GALNTL6: variants seen among roughly 807,000 people sequenced by gnomAD.
GALNTL6 encodes the protein polypeptide N-acetylgalactosaminyltransferase like 6, also known as polypeptide N-acetylgalactosaminyltransferase-like 6.
In GALNTL6, 46 loss-of-function variants were observed where a neutral mutation model predicts 73.7. The observed-to-expected ratio is 0.62, with a 90% CI of 0.49 to 0.80. The LOEUF is 0.80. GALNTL6 is among the 30% of genes least tolerant of loss of function. GALNTL6 has a pLI of 0.00. For synonymous variants in GALNTL6, 259 were observed against 263.7 expected, an observed-to-expected ratio of 0.98 and a Z score of 0.17; for missense variants, 604 against 755.0, an observed-to-expected ratio of 0.80 and a Z score of 2.34.
At chr4:172,289,702 A>G (rs1014733639) in intron 3 of GALNTL6, among the ~76,000 whole-genome samples, 1 of 152,154 alleles carries the variant, frequency 6.6e-6, no homozygotes, top group East Asian at 1.9e-4. Flanking sequence ...AAGCCCATCT[A>G]TTTGATGCTG....
At chr4:172,182,392 G>C (rs1735276064) in intron 2 of GALNTL6, among the ~76,000 whole-genome samples, 1 of 152,110 alleles carries the variant, frequency 6.6e-6, no homozygotes, top group Non-Finnish European at 1.5e-5. Flanking sequence ...AAAGAGGTTT[G>C]TAAGCTGCTT....
chr4:171,939,768 A>C (rs890425720), intron 2 of GALNTL6, among the ~76,000 whole-genome samples: 1 of 152,134 alleles, frequency 6.6e-6, no homozygotes, highest in Non-Finnish European at 1.5e-5. Context: ...ATCAGGATCA[A>C]AGTTAGATTA....
At chr4:171,873,458 A>C (rs1173698823) in intron 2 of GALNTL6, among the ~76,000 whole-genome samples, 2 of 152,278 alleles carry the variant, frequency 1.3e-5, no homozygotes, top group Non-Finnish European at 2.9e-5. Context: ...AATCAAGAGA[A>C]AATTTAGGAG....
chr4:172,173,632 A>G (rs2110828449), intron 2 of GALNTL6, among the ~76,000 whole-genome samples: 1 of 152,346 alleles, frequency 6.6e-6, no homozygotes, highest in African/African-American at 2.4e-5. Context: ...CAAGAGAGTC[A>G]TTTGCTGTAT....
intron 8 of GALNTL6, among the ~76,000 whole-genome samples, chr4:172,925,326 T>C (rs1341377034): frequency 6.6e-6 from 1 of 152,132 alleles, no homozygotes; most frequent in East Asian, 1.9e-4. Context: ...GAGAAACTTC[T>C]GAGGGGAAGA....
chr4:172,078,495 C>T (rs1244662029), intron 2 of GALNTL6, among the ~76,000 whole-genome samples: 1 of 152,072 alleles, frequency 6.6e-6, no homozygotes, highest in Non-Finnish European at 1.5e-5. Context: ...ACTAATACAG[C>T]TAGAATTTTA....
intron 2 of GALNTL6, among the ~76,000 whole-genome samples, chr4:171,955,938 T>C (rs1043308752): frequency 6.6e-6 from 1 of 152,216 alleles, no homozygotes; most frequent in Non-Finnish European, 1.5e-5. Context: ...CAAAGTATTA[T>C]AGTTTTTGGT....
At chr4:172,790,896 CAAAAAAAA>C (rs770813700) in intron 5 of GALNTL6, among the ~76,000 whole-genome samples, 1 of 71,444 alleles carries the variant, frequency 1.4e-5, no homozygotes, top group African/African-American at 5.1e-5. Flanking sequence ...GAGACTCCAT[CAAAAAAAA>C]AAAAAAAAAA....
intron 2 of GALNTL6, among the ~76,000 whole-genome samples, chr4:171,947,745 AATGTATTATTC>A (rs1166956233): frequency 6.6e-6 from 1 of 152,100 alleles, no homozygotes; most frequent in Non-Finnish European, 1.5e-5. Context: ...TGGAGGAAAA[AATGTATTATTC>A]AATCAACTCA....
chr4:172,970,904 T>G (rs1217656580), intron 10 of GALNTL6, among the ~76,000 whole-genome samples: 1 of 152,204 alleles, frequency 6.6e-6, no homozygotes, highest in Admixed American at 6.5e-5. Context: ...GGGGAACTGA[T>G]AAATGTCCAT....
At chr4:172,558,624 T>TAATA (rs1359820412) in intron 5 of GALNTL6, among the ~76,000 whole-genome samples, 2 of 152,144 alleles carry the variant, frequency 1.3e-5, no homozygotes, top group African/African-American at 4.8e-5. Context: ...AACTGTGAGG[T>TAATA]AATACATTTA....
intron 7 of GALNTL6, among the ~76,000 whole-genome samples, chr4:172,825,252 T>C (rs942160951): frequency 4.0e-5 from 6 of 151,568 alleles, no homozygotes; most frequent in Non-Finnish European, 7.4e-5. Flanking sequence ...CAAAATGGAG[T>C]CTTGCGGGAG....
intron 2 of GALNTL6, among the ~76,000 whole-genome samples, chr4:172,214,772 C>T (rs920778056): frequency 1.3e-5 from 2 of 152,088 alleles, no homozygotes; most frequent in African/African-American, 4.8e-5. Flanking sequence ...CTTGGCCTCT[C>T]AAAGTGCTGG....
intron 5 of GALNTL6, among the ~76,000 whole-genome samples, chr4:172,406,309 A>G (rs1391174676): frequency 6.6e-6 from 1 of 152,060 alleles, no homozygotes; most frequent in Non-Finnish European, 1.5e-5. Context: ...GGCATGTGCC[A>G]TTGCACTGCA....
intron 5 of GALNTL6, among the ~76,000 whole-genome samples, chr4:172,585,572 C>A (rs753001853): frequency 1.1e-4 from 17 of 152,170 alleles, no homozygotes; most frequent in Non-Finnish European, 1.9e-4. Context: ...CATGTCCCTG[C>A]AGAGGACATA....
intron 2 of GALNTL6, among the ~76,000 whole-genome samples, chr4:171,989,742 A>AT (rs1740274338): frequency 1.3e-5 from 2 of 152,070 alleles, no homozygotes. Flanking sequence ...ATTTAATGTC[A>AT]GGAGCGGATT....
intron 3 of GALNTL6, among the ~76,000 whole-genome samples, chr4:172,260,064 C>T: frequency 6.6e-6 from 1 of 151,622 alleles, no homozygotes; most frequent in Non-Finnish European, 1.5e-5. Flanking sequence ...CTTACTTTGG[C>T]TATGTGGGCT....
At chr4:172,040,497 C>T (rs990167711) in intron 2 of GALNTL6, among the ~76,000 whole-genome samples, 16 of 152,104 alleles carry the variant, frequency 1.1e-4, no homozygotes, top group African/African-American at 3.9e-4. Context: ...CTTTCAGATG[C>T]TCCAAAATAA....
chr4:172,202,336 T>C (rs1461992350), intron 2 of GALNTL6, among the ~76,000 whole-genome samples: 38 of 152,184 alleles, frequency 2.5e-4, no homozygotes, highest in Admixed American at 2.4e-3. Flanking sequence ...AGCAGTAATG[T>C]CTTTAAAATT....
Sources: gnomAD v4.1 joint callset for allele counts (sites outside exome capture counted in the v4.1 genomes callset) on GRCh38, gnomAD v4.1.1 for gene constraint, MANE v1.5 for transcripts, NCBI Gene and HGNC (gene_info 2026-07-23, HGNC 2026-07-21) for gene names.